The following FHIT variants were observed in gnomAD, a reference collection of about 807,000 sequenced individuals.
FHIT encodes bis(5'-adenosyl)-triphosphatase.
A neutral mutation model predicts 17.9 loss-of-function variants in FHIT; 19 were observed. That is an observed-to-expected ratio of 1.06 (90% CI 0.74 to 1.56). The LOEUF is 1.56. Among genes scored for constraint, FHIT ranks in the 40% most tolerant of loss-of-function variants. The pLI is 0.00. For synonymous variants in FHIT, 81 were observed against 69.7 expected (o/e 1.16, Z -0.81); for missense variants, 248 against 189.2 (o/e 1.31, Z -1.82).
chr3:60,853,116 C>T (rs1159384150), intron 3 of FHIT, among the ~76,000 whole-genome samples: 1 of 152,030 alleles, frequency 6.6e-6, no homozygotes, highest in Admixed American at 6.6e-5. Flanking sequence ...TTTTAGCCCT[C>T]CAACTGAGTT....
chr3:60,858,900 A>C (rs781842665), intron 3 of FHIT, among the ~76,000 whole-genome samples: 9 of 152,176 alleles, frequency 5.9e-5, no homozygotes, highest in Admixed American at 1.3e-4. Flanking sequence ...GCCTAAGTGC[A>C]ACAGGATGAT....
At chr3:59,967,740 A>C (rs993478449) in intron 7 of FHIT, among the ~76,000 whole-genome samples, 3 of 152,182 alleles carry the variant, frequency 2.0e-5, no homozygotes, top group Admixed American at 2.0e-4. Context: ...AGAATGCTAC[A>C]AAATACAACA....
chr3:59,981,186 T>C (rs975667646), intron 7 of FHIT, among the ~76,000 whole-genome samples: 16 of 152,146 alleles, frequency 1.1e-4, no homozygotes, highest in Non-Finnish European at 2.1e-4. Context: ...GAGCATCTCA[T>C]GGAAATGGAG....
chr3:60,544,755 C>T (rs78302170), intron 4 of FHIT, among the ~76,000 whole-genome samples: 11,494 of 152,034 alleles, frequency 0.076, 905 homozygotes, highest in African/African-American at 0.18. Context: ...CACCACCACA[C>T]TCAGCTAAGT....
chr3:60,927,119 C>G (rs1433500028), intron 3 of FHIT, among the ~76,000 whole-genome samples: 2 of 152,188 alleles, frequency 1.3e-5, no homozygotes, highest in Non-Finnish European at 1.5e-5. Context: ...CCTGCCTCAG[C>G]CTGCCGAGTG....
At chr3:60,538,816 T>C (rs1469602362) in intron 4 of FHIT, among the ~76,000 whole-genome samples, 2 of 152,122 alleles carry the variant, frequency 1.3e-5, no homozygotes, top group Non-Finnish European at 1.5e-5. Flanking sequence ...ACTTAAATGT[T>C]AGACCAAAAA....
At chr3:60,007,550 T>C (rs938494881) in intron 7 of FHIT, among the ~76,000 whole-genome samples, 10 of 152,224 alleles carry the variant, frequency 6.6e-5, no homozygotes, top group Non-Finnish European at 1.5e-4. Flanking sequence ...GAAAAAGCTG[T>C]GTCATTTCCT....
intron 3 of FHIT, among the ~76,000 whole-genome samples, chr3:60,889,084 C>T (rs115387698): frequency 3.9e-5 from 6 of 152,180 alleles, no homozygotes; most frequent in Non-Finnish European, 8.8e-5. Flanking sequence ...CAACTCATTC[C>T]GATCACCTAC....
At chr3:61,204,227 C>T (rs1250505077) in intron 1 of FHIT, among the ~76,000 whole-genome samples, 1 of 152,058 alleles carries the variant, frequency 6.6e-6, no homozygotes, top group South Asian at 2.1e-4. Context: ...AGAATTCAGG[C>T]TATCTTTATC....
At chr3:60,930,281 A>G (rs1707877081) in intron 3 of FHIT, among the ~76,000 whole-genome samples, 1 of 152,230 alleles carries the variant, frequency 6.6e-6, no homozygotes, top group African/African-American at 2.4e-5. Context: ...AAACCTAGGC[A>G]ATACCATTTA....
chr3:61,213,327 GA>G (rs1167249942), intron 1 of FHIT, among the ~76,000 whole-genome samples: 1 of 151,774 alleles, frequency 6.6e-6, no homozygotes, highest in Non-Finnish European at 1.5e-5. Flanking sequence ...CCAGCAAATG[GA>G]AAACAAAAAA....
chr3:61,241,844 T>C (rs756475408), intron 1 of FHIT, among the ~76,000 whole-genome samples: 5 of 152,180 alleles, frequency 3.3e-5, no homozygotes, highest in Non-Finnish European at 7.4e-5. Context: ...TATTCATCAT[T>C]AAAAGAAAAC....
At chr3:60,227,708 A>G (rs944966775) in intron 5 of FHIT, among the ~76,000 whole-genome samples, 3 of 152,188 alleles carry the variant, frequency 2.0e-5, no homozygotes, top group African/African-American at 7.2e-5. Context: ...ATTAGGTATC[A>G]GTCAGTGCTC....
chr3:59,862,353 C>G (rs926421335), intron 8 of FHIT, among the ~76,000 whole-genome samples: 1 of 152,214 alleles, frequency 6.6e-6, no homozygotes, highest in Non-Finnish European at 1.5e-5. Flanking sequence ...CCCACCAGGT[C>G]CCTCCCACGA....
intron 7 of FHIT, among the ~76,000 whole-genome samples, chr3:60,009,222 TG>T (rs1700046927): frequency 7.0e-6 from 1 of 142,264 alleles, no homozygotes; most frequent in African/African-American, 2.8e-5. Flanking sequence ...TGTGTGTGTG[TG>T]TGTGTGTATG....
At chr3:60,523,418 T>C (rs1373678524) in intron 5 of FHIT, among the ~76,000 whole-genome samples, 1 of 152,150 alleles carries the variant, frequency 6.6e-6, no homozygotes, top group Non-Finnish European at 1.5e-5. Context: ...ATAAACAAAC[T>C]AAAATTGTCT....
At position 60,990,444 on chromosome 3, in the gene FHIT, T is replaced by C. The variant is rs569557175; in HGVS notation, c.-111+51603A>G. Among the ~76,000 whole-genome samples the C allele has an allele frequency of 3.3e-5, 5 of 152,326 alleles. No homozygotes were observed. In the South Asian group the frequency reaches 6.2e-4, roughly 19 times the overall value. ...TCATGTTAGAATGGGGTGGCGATGA[T>C]AAAAGAGCATCTATATATGCTTTCC... On this transcript the variant is annotated intron_variant, in intron 3 of 9. Coordinates refer to ENST00000492590, the MANE Select transcript of FHIT (RefSeq NM_002012.4).
At chr3:59,800,455 AT>A (rs1008518417) in intron 8 of FHIT, among the ~76,000 whole-genome samples, 1 of 152,194 alleles carries the variant, frequency 6.6e-6, no homozygotes, top group African/African-American at 2.4e-5. Flanking sequence ...GCAGTGCCAG[AT>A]TTTTTAATCA....
intron 2 of FHIT, among the ~76,000 whole-genome samples, chr3:61,078,807 T>C (rs1013029621): frequency 2.0e-5 from 3 of 152,226 alleles, no homozygotes; most frequent in East Asian, 1.9e-4. Context: ...CACATTCAGA[T>C]ACTTTATTAA....
Sources: allele counts gnomAD v4.1 joint callset (sites outside exome capture counted in the v4.1 genomes callset), GRCh38; gene constraint gnomAD v4.1.1; transcripts MANE v1.5; gene names NCBI Gene and HGNC (gene_info 2026-07-23, HGNC 2026-07-21).